The following NCALD variants were observed in gnomAD, a reference collection of about 807,000 sequenced individuals.
The protein encoded by NCALD is neurocalcin delta.
A neutral mutation model predicts 18.6 loss-of-function variants in NCALD; 10 were observed. That is an observed-to-expected ratio of 0.54 (90% confidence interval 0.33 to 0.91). The LOEUF is 0.91. Ranked by LOEUF, NCALD falls within the 40% of genes least tolerant of loss-of-function variation. NCALD has a pLI of 0.03. For missense variants in NCALD, 184 were observed against 247.6 expected, an observed-to-expected ratio of 0.74 and a Z score of 1.72; for synonymous variants, 88 against 87.4, an observed-to-expected ratio of 1.01 and a Z score of -0.04.
intron 1 of NCALD, among the ~76,000 whole-genome samples, chr8:101,782,538 G>C (rs1812057502): frequency 6.6e-6 from 1 of 152,004 alleles, no homozygotes; most frequent in Non-Finnish European, 1.5e-5. Flanking sequence ...AGCTTAAGTG[G>C]ATAAATCCTA....
rs1248228335 is a variant in NCALD at position 102,032,869 on chromosome 8, A to G, written c.-209-12580T>C. 5.3e-5 allele frequency among the ~76,000 whole-genome samples: 8 copies of G among 152,262 alleles called. No individual in the cohort carries two copies. The South Asian group carries it at 1.2e-3, about 24-fold the overall frequency. On this transcript the variant is annotated intron_variant, in intron 1 of 6. Coordinates refer to the NCALD transcript ENST00000311028. The stretch of plus-strand genomic sequence containing the variant: ...TTCTGAGTGGTCATGACAGTAATCA[A>G]TGAGTCTATGTGTAGGCTCACCAAG...
chr8:101,691,633 T>G (rs1167544510), intron 3 of NCALD: 1 of 985,302 alleles, frequency 1.0e-6, no homozygotes, highest in African/African-American at 1.7e-5. Flanking sequence ...TCACAACTAT[T>G]CATTGTGAAT....
intron 4 of NCALD, among the ~76,000 whole-genome samples, chr8:101,862,971 A>G (rs1478978473): frequency 6.6e-6 from 1 of 152,236 alleles, no homozygotes; most frequent in Non-Finnish European, 1.5e-5. Context: ...AGTTTCTGTC[A>G]TCTTCAGAAG....
At chr8:102,106,445 GTA>G (rs369201039) in intron 1 of NCALD, among the ~76,000 whole-genome samples, 25,251 of 132,484 alleles carry the variant, frequency 0.19, 2,473 homozygotes, top group Non-Finnish European at 0.23. Context: ...TTAGCATATA[GTA>G]TATATATATA....
At chr8:101,849,507 A>G (rs554894049) in intron 4 of NCALD, among the ~76,000 whole-genome samples, 2 of 152,136 alleles carry the variant, frequency 1.3e-5, no homozygotes, top group Admixed American at 1.3e-4. Context: ...TCTGTAATCA[A>G]TTTTTTTCCA....
intron 2 of NCALD, among the ~76,000 whole-genome samples, chr8:101,956,566 G>A (rs1819630790): frequency 6.6e-6 from 1 of 151,976 alleles, no homozygotes; most frequent in Non-Finnish European, 1.5e-5. Context: ...AGCGGTTAGG[G>A]GAGAGAGAAA....
chr8:101,695,819 G>A (rs1814964200), intron 2 of NCALD, among the ~76,000 whole-genome samples: 1 of 152,012 alleles, frequency 6.6e-6, no homozygotes, highest in African/African-American at 2.4e-5. Context: ...ACCTAACATA[G>A]GGTCTTGAAT....
chr8:101,975,953 T>C (rs1820406291), intron 2 of NCALD, among the ~76,000 whole-genome samples: 1 of 152,198 alleles, frequency 6.6e-6, no homozygotes, highest in South Asian at 2.1e-4. Context: ...TGACTGCTGG[T>C]TGGGTTGTAC....
intron 1 of NCALD, among the ~76,000 whole-genome samples, chr8:102,081,545 T>TAAAAAAAAAAAAAAAAAAAAAAAAAAA: frequency 1.5e-5 from 1 of 68,708 alleles, no homozygotes; most frequent in South Asian, 5.3e-4. Flanking sequence ...CAAATAATGG[T>TAAAAAAAAAAAAAAAAAAAAAAAAAAA]AAAAAAAAAA....
intron 2 of NCALD, among the ~76,000 whole-genome samples, chr8:101,969,439 A>G (rs768579778): frequency 1.3e-5 from 2 of 152,242 alleles, no homozygotes; most frequent in African/African-American, 4.8e-5. Flanking sequence ...TTACTTCAAC[A>G]TAATTTTTAG....
intron 2 of NCALD, among the ~76,000 whole-genome samples, chr8:101,974,574 G>T (rs1119377): frequency 0.4 from 60,247 of 152,034 alleles, 12,141 homozygotes; most frequent in South Asian, 0.45. Context: ...AGAACAACTT[G>T]GATCCTGCCT....
chr8:102,022,946 C>T (rs565890181), intron 1 of NCALD, among the ~76,000 whole-genome samples: 1 of 152,282 alleles, frequency 6.6e-6, no homozygotes, highest in South Asian at 2.1e-4. Context: ...TTTCCCTTGA[C>T]TGGGCCAGTG....
intron 1 of NCALD, among the ~76,000 whole-genome samples, chr8:102,050,365 AT>A (rs1823400846): frequency 6.6e-6 from 1 of 151,390 alleles, no homozygotes. Context: ...TCATGTATTT[AT>A]TTTGGAATAT....
At chr8:101,945,360 G>C (rs1296903484) in intron 2 of NCALD, among the ~76,000 whole-genome samples, 3 of 152,002 alleles carry the variant, frequency 2.0e-5, no homozygotes, top group African/African-American at 7.3e-5. Flanking sequence ...GGAGAGGAAG[G>C]GGCTAAAATG....
chr8:101,956,079 A>C (rs545562227), intron 2 of NCALD, among the ~76,000 whole-genome samples: 60 of 152,308 alleles, frequency 3.9e-4, no homozygotes, highest in African/African-American at 1.4e-3. Context: ...TATTTGTACT[A>C]TTCTTGACAT....
chr8:101,989,807 A>T (rs1820972898), intron 2 of NCALD, among the ~76,000 whole-genome samples: 1 of 152,212 alleles, frequency 6.6e-6, no homozygotes, highest in African/African-American at 2.4e-5. Flanking sequence ...CTTTAAAGAG[A>T]TCTGGTCCTA....
chr8:101,701,524 A>C (rs1431113155), intron 2 of NCALD, among the ~76,000 whole-genome samples: 2 of 152,184 alleles, frequency 1.3e-5, no homozygotes, highest in Non-Finnish European at 2.9e-5. Flanking sequence ...AGCCCCTATC[A>C]GCTTCCTTGT....
In NCALD at chr8:101,703,120, C is replaced by T. The variant is rs144588066; in HGVS notation, c.379-10224G>A. 1.8e-4 allele frequency among the ~76,000 whole-genome samples: 27 copies of T among 151,828 alleles called. No homozygotes were observed. The East Asian group carries it at 3.7e-3, about 21-fold the overall frequency. ...GCCAGGACTGACTCTTATTCTGACT[C>T]CCTCTTCATCTGGGCTGCGTTCTCT... On this transcript the variant is annotated intron_variant, in intron 2 of 3. Transcript: ENST00000220931.
chr8:101,801,879 G>A (rs1812879863), intron 4 of NCALD, among the ~76,000 whole-genome samples: 2 of 151,824 alleles, frequency 1.3e-5, no homozygotes, highest in African/African-American at 4.8e-5. Context: ...TGTTAGCCAG[G>A]ATGGTCTCCA....
Sources: gnomAD v4.1 joint callset for allele counts (sites outside exome capture counted in the v4.1 genomes callset) on GRCh38, gnomAD v4.1.1 for gene constraint, MANE v1.5 for transcripts, NCBI Gene and HGNC (gene_info 2026-07-23, HGNC 2026-07-21) for gene names.